Variants in FBXL7 observed in about 807,000 individuals in gnomAD.
FBXL7 encodes F-box/LRR-repeat protein 7.
In FBXL7, 12 loss-of-function variants were observed where a neutral mutation model predicts 38.3. The ratio of observed to expected loss-of-function variants is 0.31; its 90% CI spans 0.20 to 0.51. The LOEUF (loss-of-function observed/expected upper bound fraction) is 0.51, where lower values mean the gene tolerates loss of function less well. Ranked by LOEUF, FBXL7 falls within the 20% of genes least tolerant of loss-of-function variation. The probability of loss-of-function intolerance (pLI) is 0.98; values close to 1 mark genes in which losing one functional copy is unlikely to be tolerated. For missense variants in FBXL7, 567 were observed against 676.4 expected, an observed-to-expected ratio of 0.84 and a Z score of 1.79; for synonymous variants, 297 against 300.9, an observed-to-expected ratio of 0.99 and a Z score of 0.13.
chr5:15,805,434 T>C (rs924270668), intron 2 of FBXL7, among the ~76,000 whole-genome samples: 1 of 152,234 alleles, frequency 6.6e-6, no homozygotes, highest in African/African-American at 2.4e-5. Context: ...ATTTGGAGTT[T>C]ATCTTAAAAT....
In FBXL7 at chr5:15,579,352, G is replaced by A. The variant is rs528624415; in HGVS notation, c.38-36631G>A. On this transcript the variant is annotated intron_variant, in intron 1 of 3. Coordinates refer to ENST00000504595, the MANE Select transcript of FBXL7 (RefSeq NM_012304.5). Reference sequence around the variant, plus strand: ...CTCTGTGAATAATTGGCATCCTAGAGGGACCTGGGACGCCAGATGCTGCTT... The same window carrying A: ...CTCTGTGAATAATTGGCATCCTAGAAGGACCTGGGACGCCAGATGCTGCTT... Among the ~76,000 whole-genome samples the A allele has an allele frequency of 1.3e-4, 20 of 152,288 alleles. No individual in the cohort carries two copies. In the South Asian group the frequency reaches 4.1e-3, roughly 32 times the overall value.
At chr5:15,712,288 T>A (rs908464403) in intron 2 of FBXL7, among the ~76,000 whole-genome samples, 1 of 151,658 alleles carries the variant, frequency 6.6e-6, no homozygotes, top group Non-Finnish European at 1.5e-5. Context: ...ATCTCCAGTA[T>A]TGGAAAAGAT....
intron 2 of FBXL7, among the ~76,000 whole-genome samples, chr5:15,888,051 G>C (rs2126364589): frequency 6.6e-6 from 1 of 152,186 alleles, no homozygotes; most frequent in South Asian, 2.1e-4. Flanking sequence ...TGGACAATCT[G>C]AGACAGCAAA....
Position 15,726,959 on chromosome 5 carries a change from G to A in FBXL7, c.127+110887G>A, listed in dbSNP as rs1436789383. Among the ~76,000 whole-genome samples, 5 of 151,712 alleles carry A rather than the reference G, an allele frequency of 3.3e-5. No homozygotes were observed. In the East Asian group the frequency reaches 7.8e-4, roughly 24 times the overall value. ...TTTAGTTGATTTTTTGTGGTGTAAT[G>A]TTTACTTTCTGTCATATCCTTTTGT... On this transcript the variant is annotated intron_variant, in intron 2 of 3. Transcript: ENST00000504595.
chr5:15,725,608 T>C (rs755285868), intron 2 of FBXL7, among the ~76,000 whole-genome samples: 80 of 152,176 alleles, frequency 5.3e-4, no homozygotes, highest in Non-Finnish European at 1.2e-4. Flanking sequence ...GAAGAATGTG[T>C]ATGCTGTTAA....
chr5:15,847,265 A>G (rs1453156833), intron 2 of FBXL7, among the ~76,000 whole-genome samples: 1 of 152,204 alleles, frequency 6.6e-6, no homozygotes, highest in African/African-American at 2.4e-5. Context: ...ACTTACAGTC[A>G]TGGTGGAAGG....
At chr5:15,576,693 A>ATT (rs1216597868) in intron 1 of FBXL7, among the ~76,000 whole-genome samples, 1 of 147,988 alleles carries the variant, frequency 6.8e-6, no homozygotes, top group African/African-American at 2.5e-5. Context: ...AAAAAGATTG[A>ATT]TTTTTTTTTT....
chr5:15,912,261 A>G (rs1741451007), intron 2 of FBXL7, among the ~76,000 whole-genome samples: 1 of 94,744 alleles, frequency 1.1e-5, no homozygotes, highest in South Asian at 4.3e-4. Context: ...GAAAAGCGCA[A>G]TATTCGGGTG....
chr5:15,913,269 A>ATT (rs33993419), intron 2 of FBXL7, among the ~76,000 whole-genome samples: 1 of 136,506 alleles, frequency 7.3e-6, no homozygotes, highest in Admixed American at 7.2e-5. Flanking sequence ...TTTTTTATTA[A>ATT]TTTTTTTTTT....
intron 2 of FBXL7, among the ~76,000 whole-genome samples, chr5:15,735,434 T>TAA (rs922210967): frequency 6.6e-6 from 1 of 152,162 alleles, no homozygotes; most frequent in Non-Finnish European, 1.5e-5. Context: ...TCTAGGTGTG[T>TAA]AAGCAGTGAT....
intron 1 of FBXL7, chr5:15,501,783 C>T (rs1463346036): frequency 1.0e-6 from 1 of 975,848 alleles, no homozygotes; most frequent in Non-Finnish European, 1.2e-6. Flanking sequence ...ACCGACCCTA[C>T]AAAAACCATA....
chr5:15,914,922 C>T (rs184218324), intron 2 of FBXL7, among the ~76,000 whole-genome samples: 160 of 152,312 alleles, frequency 1.1e-3, no homozygotes, highest in Admixed American at 2.0e-3. Context: ...GGCTATGATG[C>T]AGATATATTT....
intron 2 of FBXL7, among the ~76,000 whole-genome samples, chr5:15,634,303 A>G (rs1163069840): frequency 1.5e-5 from 2 of 133,268 alleles, no homozygotes; most frequent in Non-Finnish European, 3.2e-5. Flanking sequence ...AAAACTTTAT[A>G]TGTTCGTTTC....
chr5:15,579,642 C>A (rs1362660179), intron 1 of FBXL7, among the ~76,000 whole-genome samples: 1 of 152,124 alleles, frequency 6.6e-6, no homozygotes, highest in African/African-American at 2.4e-5. Context: ...GTGACTTAAG[C>A]AACAGCCATT....
chr5:15,547,482 G>A (rs893592397), intron 1 of FBXL7, among the ~76,000 whole-genome samples: 1 of 152,188 alleles, frequency 6.6e-6, no homozygotes, highest in Non-Finnish European at 1.5e-5. Flanking sequence ...GGTGAGACAG[G>A]ACACCCCCAC....
At chr5:15,736,560 TTATTTC>T (rs1735754516) in intron 2 of FBXL7, among the ~76,000 whole-genome samples, 2 of 152,190 alleles carry the variant, frequency 1.3e-5, no homozygotes, top group African/African-American at 4.8e-5. Flanking sequence ...TATACACAAA[TTATTTC>T]TAAGTGCAAA....
intron 1 of FBXL7, among the ~76,000 whole-genome samples, chr5:15,605,260 C>T (rs1257146094): frequency 6.6e-6 from 1 of 152,122 alleles, no homozygotes; most frequent in Non-Finnish European, 1.5e-5. Context: ...AAGTGAAAAA[C>T]CACAAGCAGT....
intron 2 of FBXL7, among the ~76,000 whole-genome samples, chr5:15,867,309 C>A (rs1384114156): frequency 1.3e-5 from 2 of 152,160 alleles, no homozygotes; most frequent in Non-Finnish European, 2.9e-5. Flanking sequence ...TAGAAGACTA[C>A]CTATCATCTC....
intron 2 of FBXL7, among the ~76,000 whole-genome samples, chr5:15,882,519 C>T (rs528443736): frequency 1.3e-5 from 2 of 152,274 alleles, no homozygotes; most frequent in African/African-American, 4.8e-5. Context: ...TTCACAATGA[C>T]TAGGAATCAA....
Sources: allele counts gnomAD v4.1 joint callset (sites outside exome capture counted in the v4.1 genomes callset), GRCh38; gene constraint gnomAD v4.1.1; transcripts MANE v1.5; gene names NCBI Gene and HGNC (gene_info 2026-07-23, HGNC 2026-07-21).